NF2: variants seen among roughly 807,000 people sequenced by gnomAD.
NF2 encodes merlin.
In NF2, 8 loss-of-function variants were observed where a neutral mutation model predicts 83.7. The observed-to-expected ratio is 0.10, with a 90% CI of 0.06 to 0.17. The LOEUF (loss-of-function observed/expected upper bound fraction) is 0.17, where lower values mean the gene tolerates loss of function less well. Ranked by LOEUF, NF2 falls within the 10% of genes least tolerant of loss-of-function variation. The pLI, the probability that NF2 is intolerant of heterozygous loss-of-function variation, is 1.00. For synonymous variants in NF2, 266 were observed against 269.6 expected (o/e 0.99, Z 0.13); for missense variants, 533 against 744.4 (o/e 0.72, Z 3.31).
At chr22:29,623,475 A>C (rs1260833458) in intron 1 of NF2, among the ~76,000 whole-genome samples, 2 of 152,242 alleles carry the variant, frequency 1.3e-5, no homozygotes, top group African/African-American at 4.8e-5. Context: ...GCAAGGTATC[A>C]CATTGAAACC....
upstream of NF2, chr22:29,603,610 C>T (rs539283977): frequency 1.8e-5 from 7 of 398,174 alleles, no homozygotes; most frequent in Admixed American, 8.8e-5. Context: ...CGCGCGCGTA[C>T]GCGCCCGATG....
intron 9 of NF2, among the ~76,000 whole-genome samples, chr22:29,665,839 G>T (rs1280401214): frequency 1.3e-5 from 2 of 151,730 alleles, no homozygotes; most frequent in African/African-American, 4.8e-5. Context: ...TTAACACCCT[G>T]CTGGTCTCTC....
intron 8 of NF2, 139 bp from the exon 9 acceptor site, chr22:29,664,851 C>T: frequency 2.7e-6 from 2 of 728,210 alleles, no homozygotes; most frequent in Non-Finnish European, 5.0e-6. Flanking sequence ...AGGTTTAGTG[C>T]CTGGATACTG....
intron 1 of NF2, among the ~76,000 whole-genome samples, chr22:29,628,721 C>T (rs747800041): frequency 4.0e-5 from 6 of 151,050 alleles, no homozygotes; most frequent in Non-Finnish European, 8.8e-5. Context: ...ACCTCTGCCT[C>T]CCAAGTTCAA....
At chr22:29,655,507 TAA>T in intron 5 of NF2, 85 bp from the exon 6 acceptor site, 1 of 976,318 alleles carries the variant, frequency 1.0e-6, no homozygotes, top group Non-Finnish European at 1.7e-6. Flanking sequence ...TACTGTTTTG[TAA>T]AAATGATGCA....
intron 1 of NF2, among the ~76,000 whole-genome samples, chr22:29,628,627 C>CTTT (rs5844863): frequency 5.6e-4 from 39 of 69,198 alleles, no homozygotes; most frequent in African/African-American, 1.5e-3. Context: ...TTTGTGACAT[C>CTTT]TTTTTTTTTT....
chr22:29,664,107 C>T (rs1569299408), intron 8 of NF2, among the ~76,000 whole-genome samples: 1 of 152,140 alleles, frequency 6.6e-6, no homozygotes, highest in Non-Finnish European at 1.5e-5. Flanking sequence ...CACATCAAAC[C>T]TAAACCCTTC....
chr22:29,689,052 G>A (rs553368638), intron 15 of NF2, among the ~76,000 whole-genome samples: 31 of 152,034 alleles, frequency 2.0e-4, no homozygotes, highest in Middle Eastern at 3.4e-3. Context: ...GGTGGCATGC[G>A]CCTGTAGTTC....
chr22:29,636,917 G>A lies in NF2; in HGVS notation c.240+41G>A, dbSNP rs1344412905. 6.2e-7 allele frequency: 1 copy of A among 1,613,228 alleles called. No homozygotes were observed. The highest frequency in any genetic ancestry group is 8.5e-7 in the Non-Finnish European group (1 of 1,180,024). On this transcript the variant is annotated intron_variant, in intron 2 of 15. Coordinates refer to ENST00000338641, the MANE Select transcript of NF2 (RefSeq NM_000268.4). This position sits in a 1 kb window ranked among gnomAD's most constrained non-coding sequence, Gnocchi z 4.4. ...GATGAAACTGGTGGGGCTGACGTGAGCTTTCCAGTTTTTCCCTGAGCAGGC... is the reference window on the plus strand; with the variant it reads ...GATGAAACTGGTGGGGCTGACGTGAACTTTCCAGTTTTTCCCTGAGCAGGC...
chr22:29,622,042 C>A (rs1171527024), intron 1 of NF2, among the ~76,000 whole-genome samples: 1 of 151,992 alleles, frequency 6.6e-6, no homozygotes, highest in South Asian at 2.1e-4. Flanking sequence ...AAATAGGAAG[C>A]GTAAAAGAGA....
At chr22:29,618,261 G>A (rs946478917) in intron 1 of NF2, among the ~76,000 whole-genome samples, 3 of 152,284 alleles carry the variant, frequency 2.0e-5, no homozygotes, top group Admixed American at 6.5e-5. Context: ...GTCCATTAAT[G>A]AGCAAGGTGC....
At chr22:29,606,651 G>A (rs2064806336) in intron 1 of NF2, among the ~76,000 whole-genome samples, 1 of 152,202 alleles carries the variant, frequency 6.6e-6, no homozygotes, top group Non-Finnish European at 1.5e-5. Context: ...GGAGATCTGC[G>A]GATTTAATGG....
intron 8 of NF2, among the ~76,000 whole-genome samples, chr22:29,664,359 A>C (rs1382112943): frequency 1.4e-5 from 2 of 144,524 alleles, no homozygotes; most frequent in Non-Finnish European, 3.0e-5. Context: ...CTTAGTCACC[A>C]AAAAGCTAAT....
Position 29,691,170 on chromosome 22 carries a change from G to A in NF2, c.1738-3582G>A, listed in dbSNP as rs115983371. 9.5e-3 allele frequency among the ~76,000 whole-genome samples: 1,445 copies of A among 152,294 alleles called. 22 individuals carry two copies. The highest frequency in any genetic ancestry group is 0.033 in the African/African-American group (1,367 of 41,550). On this transcript the variant is annotated intron_variant, in intron 15 of 15. Transcript: ENST00000338641. ...CCTTCAAGATACTCATTGTGCATGCGAGGAATTCCCCGCCCTCCTGGGGGG... is the reference window on the plus strand; with the variant it reads ...CCTTCAAGATACTCATTGTGCATGCAAGGAATTCCCCGCCCTCCTGGGGGG...
At chr22:29,610,396 G>A (rs2064918936) in intron 1 of NF2, among the ~76,000 whole-genome samples, 1 of 151,996 alleles carries the variant, frequency 6.6e-6, no homozygotes, top group African/African-American at 2.4e-5. Flanking sequence ...TGTAATCCCA[G>A]CACTTTGGGA....
Position 29,636,967 on chromosome 22 carries a change from T to C in NF2, c.240+91T>C, listed in dbSNP as rs115130972. 3,039 of 1,570,938 alleles carry C rather than the reference T, an allele frequency of 1.9e-3. 53 individuals carry two copies. In the African/African-American group the frequency reaches 0.038, roughly 20 times the overall value. ...CGCCTAGCTCATCACTGGGGCGCTG[T>C]AGCTGTATAGTAGAGAAGGGGGCAC... On this transcript the variant is annotated intron_variant, in intron 2 of 15. Coordinates refer to ENST00000338641, the MANE Select transcript of NF2 (RefSeq NM_000268.4). This position sits in a 1 kb window ranked among gnomAD's most constrained non-coding sequence, Gnocchi z 4.4.
intron 15 of NF2, among the ~76,000 whole-genome samples, chr22:29,689,502 C>T (rs918790127): frequency 3.9e-5 from 6 of 151,962 alleles, no homozygotes; most frequent in Non-Finnish European, 7.4e-5. Context: ...CATTTCAATT[C>T]CACTGCATTT....
chr22:29,609,861 A>G (rs1415968674), intron 1 of NF2, among the ~76,000 whole-genome samples: 3 of 152,190 alleles, frequency 2.0e-5, no homozygotes, highest in Non-Finnish European at 4.4e-5. Flanking sequence ...TGTATTTCTG[A>G]AAAGAATTTT....
At chr22:29,676,162 T>C (rs1486187167) in intron 13 of NF2, among the ~76,000 whole-genome samples, 2 of 151,962 alleles carry the variant, frequency 1.3e-5, no homozygotes, top group Non-Finnish European at 2.9e-5. Context: ...TTATTTTTTA[T>C]TTTATTTATT....
Sources: gnomAD v4.1 joint callset for allele counts (sites outside exome capture counted in the v4.1 genomes callset) on GRCh38, gnomAD v4.1.1 for gene constraint, Gnocchi (gnomAD v3.1) non-coding constraint, MANE v1.5 for transcripts, NCBI Gene and HGNC (gene_info 2026-07-23, HGNC 2026-07-21) for gene names.